Variants in PTPN21 observed in about 807,000 individuals in gnomAD.
The protein encoded by PTPN21 is tyrosine-protein phosphatase non-receptor type 21.
In PTPN21, 77 loss-of-function variants were observed where a neutral mutation model predicts 131.8. That is an observed-to-expected ratio of 0.58 (90% CI 0.49 to 0.71). The LOEUF is 0.71. Among genes scored for constraint, PTPN21 ranks in the 30% least tolerant of loss-of-function variants. The probability of loss-of-function intolerance (pLI) is 0.00; values close to 1 mark genes in which losing one functional copy is unlikely to be tolerated. For missense variants in PTPN21, 1,552 were observed against 1,527.1 expected (o/e 1.02, Z -0.27); for synonymous variants, 715 against 621.3 (o/e 1.15, Z -2.24).
rs1203640452 is a variant in PTPN21, at chr14:88,518,301, CATAT to C, written c.181-1044_181-1041del. On this transcript the variant is annotated intron_variant, in intron 2 of 18. Transcript: ENST00000556564. ...ACACACACATACGCACACACACACA[CATAT>C]ATGTGTATATATACGTATATATACA... is the stretch of plus-strand genomic sequence containing the variant. 2.9e-4 allele frequency among the ~76,000 whole-genome samples: 26 copies of C among 90,106 alleles called. 2 individuals carry two copies. Among genetic ancestry groups the C allele is most frequent in the Admixed American group, 7.6e-4 (5 of 6,570 alleles). The allele number at this position is 90,106 out of a possible 152,430, so 59.1% of individuals were successfully genotyped here.
chr14:88,495,415 C>T (rs906960887), intron 10 of PTPN21, among the ~76,000 whole-genome samples: 2 of 152,182 alleles, frequency 1.3e-5, no homozygotes, highest in South Asian at 4.1e-4. Context: ...AATCCCAGCA[C>T]TTTGGGAGGC....
intron 2 of PTPN21, among the ~76,000 whole-genome samples, chr14:88,521,020 T>C (rs1425277314): frequency 6.6e-6 from 1 of 151,854 alleles, no homozygotes; most frequent in Non-Finnish European, 1.5e-5. Flanking sequence ...ATATATATAT[T>C]TTTTTTGGTC....
intron 2 of PTPN21, among the ~76,000 whole-genome samples, chr14:88,519,842 T>C (rs1049719565): frequency 5.3e-5 from 8 of 152,192 alleles, no homozygotes; most frequent in Non-Finnish European, 8.8e-5. Flanking sequence ...TTTTGAACAT[T>C]TCCTATGTGC....
rs762861899 is a variant in PTPN21 at position 88,479,966 on chromosome 14, G to T, written c.1465C>A (p.Leu489Met). The T allele has an allele frequency of 1.2e-6, 2 of 1,609,012 alleles. No individual in the cohort carries two copies. Among genetic ancestry groups the T allele is most frequent in the East Asian group, 4.5e-5 (2 of 44,872 alleles). Residue 489 changes from leucine to methionine, a missense_variant, in exon 13 of 19, where the codon CTG (leucine) becomes ATG (methionine). This residue lies in a region of PTPN21 where 1,016 missense variants were observed against 883.5 expected (regional missense o/e 1.15). Transcript: ENST00000556564. The part of the protein sequence containing the change: ...SSYAYSRPAA[L>M]VYSQPEIREH... ...CGGATCTCGGGCTGGCTGTAGACCA[G>T]CGCCGCGGGCCTGCTGTAGGCGTAC...
rs2077933287 is a variant in PTPN21, at chr14:88,497,276, G to A, written c.779C>T (p.Ala260Val). 6.2e-7 allele frequency: 1 copy of A among 1,612,924 alleles called. No individual in the cohort carries two copies. The highest frequency in any genetic ancestry group is 8.5e-7 in the Non-Finnish European group (1 of 1,178,982). ...AAAGGACTTGTTGTGGGACATGTTG[G>A]CAATGTCATGCCACCTAAAGAACAG... Reference protein sequence around the residue: ...HPVVFRWHDIANMSHNKSFFA... With the variant: ...HPVVFRWHDIVNMSHNKSFFA... Residue 260 changes from alanine (A) to valine (V), a missense_variant, in exon 9 of 19, where the codon GCC (alanine) becomes GTC (valine). This residue lies in a region of PTPN21 where 1,016 missense variants were observed against 883.5 expected (regional missense o/e 1.15). Transcript: ENST00000556564.
chr14:88,550,491 G>A lies in PTPN21; in HGVS notation c.-74C>T. 2.8e-6 allele frequency: 4 copies of A among 1,417,696 alleles called. No individual in the cohort carries two copies. Among genetic ancestry groups the A allele is most frequent in the Non-Finnish European group, 3.9e-6 (4 of 1,031,452 alleles). The allele number at this position is 1,417,696 out of a possible 1,614,324, so 87.8% of individuals were successfully genotyped here. A position where few individuals can be genotyped will look rare whatever the true frequency, so the allele number is the denominator to read the frequency against. On this transcript the variant is annotated 5_prime_UTR_variant, in exon 2 of 19. Transcript: ENST00000556564. ...CACCAACCCAGCGCTGGTGACGCCAGGAGAAAGCGATCCTCTCCGGATGGG... is the reference window on the plus strand; with the variant it reads ...CACCAACCCAGCGCTGGTGACGCCAAGAGAAAGCGATCCTCTCCGGATGGG...
chr14:88,468,382 C>T (rs1176939191), intron 18 of PTPN21, 117 bp from the exon 19 acceptor site: 15 of 1,000,574 alleles, frequency 1.5e-5, no homozygotes, highest in Non-Finnish European at 2.0e-5. Flanking sequence ...CTCTTTTCCA[C>T]CTTAGCGTCT....
chr14:88,520,336 G>A (rs1267801622), intron 2 of PTPN21, among the ~76,000 whole-genome samples: 2 of 151,830 alleles, frequency 1.3e-5, no homozygotes, highest in African/African-American at 4.8e-5. Flanking sequence ...GAACCCAGGA[G>A]GTAGACAGAG....
At chr14:88,527,725 G>A (rs1356499168) in intron 2 of PTPN21, among the ~76,000 whole-genome samples, 3 of 152,066 alleles carry the variant, frequency 2.0e-5, no homozygotes, top group Non-Finnish European at 4.4e-5. Flanking sequence ...CAGACTCTTT[G>A]CCTAGGCCAA....
Position 88,472,324 on chromosome 14 carries a change from G to T in PTPN21, c.2791C>A (p.Leu931Ile). The change falls in exon 15 of 19, where the codon CTT becomes ATT. Residue 931 changes from leucine (L) to isoleucine (I), a missense_variant. Physicochemically the swap from Leu to Ile is conservative, Grantham distance 5 (BLOSUM62 2). This residue lies in a region of PTPN21 where 316 missense variants were observed against 378.5 expected (regional missense o/e 0.83). Coordinates refer to ENST00000556564, the MANE Select transcript of PTPN21 (RefSeq NM_007039.4). ...TCCACTCTCACATCATCATAAGGAA[G>T]AACATCTTGGAATCGATTTCTTTCT... is the stretch of plus-strand genomic sequence containing the variant. ...NAERNRFQDV[L>I]PYDDVRVELV... 6.2e-7 allele frequency: 1 copy of T among 1,613,784 alleles called. No individual in the cohort carries two copies. Among genetic ancestry groups the T allele is most frequent in the Non-Finnish European group, 8.5e-7 (1 of 1,179,722 alleles).
intron 2 of PTPN21, among the ~76,000 whole-genome samples, chr14:88,544,241 A>T (rs28490252): frequency 0.24 from 36,029 of 151,912 alleles, 4,439 homozygotes; most frequent in East Asian, 0.32. Flanking sequence ...GCTACTTGGG[A>T]GGCTGAGGTG....
chr14:88,514,325 T>C (rs1417838338), intron 3 of PTPN21, among the ~76,000 whole-genome samples: 1 of 152,222 alleles, frequency 6.6e-6, no homozygotes, highest in Admixed American at 6.5e-5. Context: ...TTTCATATCA[T>C]GTTATTTTCT....
intron 10 of PTPN21, among the ~76,000 whole-genome samples, chr14:88,495,473 C>G (rs1159481856): frequency 6.6e-6 from 1 of 152,146 alleles, no homozygotes; most frequent in Admixed American, 6.5e-5. Flanking sequence ...CCAGCCTGAA[C>G]AACATGGAGA....
intron 13 of PTPN21, among the ~76,000 whole-genome samples, chr14:88,476,961 T>C (rs1381811714): frequency 6.6e-6 from 1 of 152,062 alleles, no homozygotes; most frequent in Non-Finnish European, 1.5e-5. Flanking sequence ...AGGGATAAAA[T>C]AGGCCTGAGT....
chr14:88,469,273 A>C lies in PTPN21; in HGVS notation c.3236-197T>G, dbSNP rs1354763835. Among the ~76,000 whole-genome samples, 1 of 152,118 alleles carries C rather than the reference A, an allele frequency of 6.6e-6. No individual in the cohort carries two copies. The highest frequency in any genetic ancestry group is 1.5e-5 in the Non-Finnish European group (1 of 68,028). ...CCTCTGTCCACTTTCTGATCTACAA[A>C]ATGAAATGACGGAGATACTGAGTCA... On this transcript the variant is annotated intron_variant, in intron 17 of 18. Coordinates refer to ENST00000556564, the MANE Select transcript of PTPN21 (RefSeq NM_007039.4). This position sits in a 1 kb window ranked among gnomAD's most constrained non-coding sequence, Gnocchi z 4.3.
rs145859202 is a variant in PTPN21 at position 88,473,677 on chromosome 14, C to T, written c.2637G>A (p.Thr879=). The change falls in exon 14 of 19, where the codon ACG becomes ACA. Residue 879 remains threonine, a synonymous_variant. Coordinates refer to ENST00000556564, the MANE Select transcript of PTPN21 (RefSeq NM_007039.4). ...DEGKEVATRA[T]NDERCKILEQ... is the part of the protein sequence containing the mutation. ...GTCCCATACATACCCTTTCATCATTCGTTGCTCTGGTAGCCACTTCCTTTC... is the reference window on the plus strand; with the variant it reads ...GTCCCATACATACCCTTTCATCATTTGTTGCTCTGGTAGCCACTTCCTTTC... The T allele has an allele frequency of 5.1e-4, 816 of 1,612,896 alleles. No homozygotes were observed. Among genetic ancestry groups the T allele is most frequent in the Non-Finnish European group, 6.5e-4 (765 of 1,179,776 alleles).
At chr14:88,505,909 G>A (rs964775260) in intron 4 of PTPN21, among the ~76,000 whole-genome samples, 2 of 152,180 alleles carry the variant, frequency 1.3e-5, no homozygotes, top group Non-Finnish European at 2.9e-5. Flanking sequence ...GTGGCTCCAT[G>A]TGCATCAGGC....
chr14:88,485,283 G>T, intron 11 of PTPN21, 123 bp from the exon 12 acceptor site: 1 of 543,104 alleles, frequency 1.8e-6, no homozygotes, highest in Non-Finnish European at 3.1e-6. Context: ...TATTATATAT[G>T]GAAAATAAAC....
rs746938255 is a variant in PTPN21 at position 88,467,653 on chromosome 14, T to C, written c.*484A>G. 1.3e-5 allele frequency: 2 copies of C among 152,592 alleles called. No homozygotes were observed. The highest frequency in any genetic ancestry group is 6.5e-5 in the Admixed American group (1 of 15,282). The allele number at this position is 152,592 out of a possible 1,614,324, so 9.5% of individuals were successfully genotyped here. A position where few individuals can be genotyped will look rare whatever the true frequency, so the allele number is the denominator to read the frequency against. ...AAAAGATAATAACATGATTTTTAAATACAAAGTTATATAGGAGCAACTCAT... is the reference window on the plus strand; with the variant it reads ...AAAAGATAATAACATGATTTTTAAACACAAAGTTATATAGGAGCAACTCAT... On this transcript the variant is annotated 3_prime_UTR_variant, in exon 19 of 19. Transcript: ENST00000556564.
Sources: allele counts gnomAD v4.1 joint callset (sites outside exome capture counted in the v4.1 genomes callset), GRCh38; gene constraint gnomAD v4.1.1; regional missense constraint gnomAD v4.1.1; non-coding constraint Gnocchi (gnomAD v3.1); transcripts MANE v1.5; gene names NCBI Gene and HGNC (gene_info 2026-07-23, HGNC 2026-07-21).